USP3: variants seen among roughly 807,000 people sequenced by gnomAD.
USP3 encodes ubiquitin carboxyl-terminal hydrolase 3.
USP3 carries 20 observed loss-of-function variants against 72.3 expected under a neutral mutation model. That is an observed-to-expected ratio of 0.28 (90% CI 0.19 to 0.40). USP3 has a LOEUF of 0.40. USP3 is among the 10% of genes least tolerant of loss of function. The pLI, the probability that USP3 is intolerant of heterozygous loss-of-function variation, is 1.00. For missense variants in USP3, 479 were observed against 633.9 expected, an observed-to-expected ratio of 0.76 and a Z score of 2.62; for synonymous variants, 222 against 225.3, an observed-to-expected ratio of 0.99 and a Z score of 0.13.
chr15:63,562,891 G>A lies in USP3; in HGVS notation c.648-4G>A. The A allele has an allele frequency of 1.3e-6, 2 of 1,597,508 alleles. No homozygotes were observed. Among genetic ancestry groups the A allele is most frequent in the Middle Eastern group, 1.7e-4 (1 of 6,028 alleles). ...TGAGGGCACTGTCCTTTCCTCTTTT[G>A]CAGGTCTTTGGTAGAAGAGTTTAGA... is the stretch of plus-strand genomic sequence containing the variant. On this transcript the variant is annotated splice_polypyrimidine_tract_variant and splice_region_variant and intron_variant, in intron 7 of 14. Transcript: ENST00000380324.
rs547010501 is a variant in USP3, at chr15:63,545,621, T to C, written c.285-8094T>C. ...AGTGTACTTACTTTTTCGTAAATAC[T>C]GCTTTCTTTCTATTAAATATAGTCC... On this transcript the variant is annotated intron_variant, in intron 3 of 14. Coordinates refer to ENST00000380324, the MANE Select transcript of USP3 (RefSeq NM_006537.4). Among the ~76,000 whole-genome samples the C allele has an allele frequency of 3.8e-4, 58 of 152,236 alleles. 1 individual carries two copies. The highest frequency in any genetic ancestry group is 1.4e-3 in the African/African-American group (57 of 41,540).
Position 63,592,095 on chromosome 15 carries a change from T to C in USP3, c.*1269T>C, listed in dbSNP as rs934322702. ...CCTGGCTAATTTTTTTTTTGTATTTTTAGTAAAGACGGGGGTTTACCATGT... is the reference window on the plus strand; with the variant it reads ...CCTGGCTAATTTTTTTTTTGTATTTCTAGTAAAGACGGGGGTTTACCATGT... On this transcript the variant is annotated 3_prime_UTR_variant, in exon 15 of 15. Transcript: ENST00000380324. The C allele has an allele frequency of 1.1e-4, 17 of 152,210 alleles. No individual in the cohort carries two copies. Among genetic ancestry groups the C allele is most frequent in the African/African-American group, 4.1e-4 (17 of 41,518 alleles). 9.4% of individuals were successfully genotyped at this position (152,210 alleles called of 1,614,324 possible). A position where few individuals can be genotyped will look rare whatever the true frequency, so the allele number is the denominator to read the frequency against.
chr15:63,542,860 A>T (rs2066264702), intron 3 of USP3, among the ~76,000 whole-genome samples: 1 of 152,174 alleles, frequency 6.6e-6, no homozygotes, highest in Non-Finnish European at 1.5e-5. Context: ...CATTGCAGTA[A>T]GACAGTAGAC....
chr15:63,556,834 G>C, intron 5 of USP3, 86 bp downstream of exon 5: 1 of 924,670 alleles, frequency 1.1e-6, no homozygotes, highest in East Asian at 2.7e-5. Context: ...AATGTTACCT[G>C]TTACAGACTT....
At chr15:63,540,695 A>G (rs1422402833) in intron 3 of USP3, among the ~76,000 whole-genome samples, 1 of 152,226 alleles carries the variant, frequency 6.6e-6, no homozygotes, top group East Asian at 1.9e-4. Context: ...AGCATGCATT[A>G]ACCAGGCAGA....
At chr15:63,530,614 C>T in intron 1 of USP3, 2 of 434,050 alleles carry the variant, frequency 4.6e-6, no homozygotes, top group Non-Finnish European at 9.2e-6. Context: ...CACCTGGCCC[C>T]AAAGTTCTTA....
intron 11 of USP3, among the ~76,000 whole-genome samples, chr15:63,577,581 G>A (rs1275601869): frequency 1.3e-5 from 2 of 151,824 alleles, no homozygotes; most frequent in African/African-American, 4.8e-5. Flanking sequence ...GTGAAACCCC[G>A]TCTCTACTAA....
In USP3 at chr15:63,558,083, G is replaced by T. The variant is rs2066542165; in HGVS notation, c.451-23G>T. 1.9e-6 allele frequency: 3 copies of T among 1,613,758 alleles called. No individual in the cohort carries two copies. In the East Asian group the frequency reaches 6.7e-5, roughly 36 times the overall value. On this transcript the variant is annotated intron_variant, in intron 5 of 14. Transcript: ENST00000380324. ...TGGCCTTCCCTTGGCATTACTGATG[G>T]CCTCTTCTTGCACCACTTACAGGGA...
At chr15:63,568,428 AG>A (rs1365308653) in intron 8 of USP3, among the ~76,000 whole-genome samples, 1 of 152,032 alleles carries the variant, frequency 6.6e-6, no homozygotes, top group Non-Finnish European at 1.5e-5. Flanking sequence ...GGTCTGTCAC[AG>A]GGACACTAGT....
chr15:63,549,667 T>C (rs2066407911), intron 3 of USP3, among the ~76,000 whole-genome samples: 1 of 152,242 alleles, frequency 6.6e-6, no homozygotes, highest in Admixed American at 6.5e-5. Context: ...TAAATTGTTA[T>C]ACCTGTCTAG....
intron 8 of USP3, among the ~76,000 whole-genome samples, chr15:63,566,164 C>T (rs559913521): frequency 6.6e-6 from 1 of 152,158 alleles, no homozygotes; most frequent in African/African-American, 2.4e-5. Flanking sequence ...TTTTTTAAAT[C>T]AGTTCTTGTT....
chr15:63,578,923 T>C (rs1030155404), intron 11 of USP3, among the ~76,000 whole-genome samples: 1 of 152,198 alleles, frequency 6.6e-6, no homozygotes, highest in African/African-American at 2.4e-5. Context: ...TTAACAACTA[T>C]TGCCATGGAG....
rs143710458 is a variant in USP3, at chr15:63,585,219, A to G, written c.1097-3086A>G. On this transcript the variant is annotated intron_variant, in intron 11 of 14. Transcript: ENST00000380324. ...TGTTTTGGCTATTCAGGATTCCTTG[A>G]GAGTCCATGTGAGTTTCAGGATGGG... Among the ~76,000 whole-genome samples, 47 of 152,248 alleles carry G rather than the reference A, an allele frequency of 3.1e-4. No individual in the cohort carries two copies. In the Middle Eastern group the frequency reaches 0.014, roughly 44 times the overall value.
At chr15:63,587,820 G>A (rs2067104946) in intron 11 of USP3, 1 of 152,298 alleles carries the variant, frequency 6.6e-6, no homozygotes, top group African/African-American at 2.4e-5. Context: ...GAAAAAAAAT[G>A]TAGCTGTGAT....
In USP3 at chr15:63,588,891, G is replaced by T. The variant is rs896338508; in HGVS notation, c.1330-53G>T. On this transcript the variant is annotated intron_variant, in intron 13 of 14. Coordinates refer to ENST00000380324, the MANE Select transcript of USP3 (RefSeq NM_006537.4). This position sits in a 1 kb window ranked among gnomAD's most constrained non-coding sequence, Gnocchi z 4.6. ...TTGTCATCACATGGAGAGGGTAGAG[G>T]TCATCGAGATACTGATGTCATTGAC... is the stretch of plus-strand genomic sequence containing the variant. 24 of 1,612,148 alleles carry T rather than the reference G, an allele frequency of 1.5e-5. No individual in the cohort carries two copies. Among genetic ancestry groups the T allele is most frequent in the Non-Finnish European group, 1.9e-5 (22 of 1,178,350 alleles).
intron 1 of USP3, among the ~76,000 whole-genome samples, chr15:63,522,422 A>G (rs1408200022): frequency 3.3e-5 from 5 of 152,248 alleles, no homozygotes; most frequent in South Asian, 2.1e-4. Flanking sequence ...TGCATGTGTC[A>G]TACAGATATT....
chr15:63,569,443 A>G (rs2066745151), intron 8 of USP3, among the ~76,000 whole-genome samples: 1 of 152,168 alleles, frequency 6.6e-6, no homozygotes, highest in Non-Finnish European at 1.5e-5. Flanking sequence ...GGAAAAGGGG[A>G]AAATATATAT....
rs1347816350 is a variant in USP3, at chr15:63,544,911, G to C, written c.284+7755G>C. On this transcript the variant is annotated intron_variant, in intron 3 of 14. Coordinates refer to ENST00000380324, the MANE Select transcript of USP3 (RefSeq NM_006537.4). This position sits in a 1 kb window ranked among gnomAD's most constrained non-coding sequence, Gnocchi z 4.2. ...GTTACAGATAGCTATGGAATTGAAA[G>C]TTTCTCAGGGAAAAGGGAAAAAGAT... Among the ~76,000 whole-genome samples the C allele has an allele frequency of 1.3e-5, 2 of 152,136 alleles. No individual in the cohort carries two copies. Among genetic ancestry groups the C allele is most frequent in the Admixed American group, 6.5e-5 (1 of 15,268 alleles).
At chr15:63,571,731 T>C (rs2066781847) in intron 9 of USP3, among the ~76,000 whole-genome samples, 1 of 152,250 alleles carries the variant, frequency 6.6e-6, no homozygotes. Flanking sequence ...CACTGTGTAA[T>C]ACTCAGAATG....
Sources: gnomAD v4.1 joint callset for allele counts (sites outside exome capture counted in the v4.1 genomes callset) on GRCh38, gnomAD v4.1.1 for gene constraint, Gnocchi (gnomAD v3.1) non-coding constraint, MANE v1.5 for transcripts, NCBI Gene and HGNC (gene_info 2026-07-23, HGNC 2026-07-21) for gene names.